The following SORCS2 variants were observed in gnomAD, a reference collection of about 807,000 sequenced individuals.
The protein encoded by SORCS2 is sortilin related VPS10 domain containing receptor 2, also known as VPS10 domain-containing receptor SorCS2.
Under a neutral mutation model 141.6 loss-of-function variants are expected in SORCS2, and 100 were observed. The ratio of observed to expected loss-of-function variants is 0.71; its 90% CI spans 0.60 to 0.83. SORCS2 has a LOEUF of 0.83. Among genes scored for constraint, SORCS2 ranks in the 40% least tolerant of loss-of-function variants. SORCS2 has a pLI of 0.00. For missense variants in SORCS2, 1,646 were observed against 1,560.2 expected, an observed-to-expected ratio of 1.05 and a Z score of -0.93; for synonymous variants, 789 against 676.9, an observed-to-expected ratio of 1.17 and a Z score of -2.57.
intron 1 of SORCS2, among the ~76,000 whole-genome samples, chr4:7,326,072 A>T (rs1362484707): frequency 1.3e-5 from 2 of 152,050 alleles, no homozygotes; most frequent in Non-Finnish European, 2.9e-5. Context: ...GGGTGTCAGG[A>T]TGGAGAGATC....
intron 3 of SORCS2, among the ~76,000 whole-genome samples, chr4:7,597,319 G>A (rs1717338340): frequency 1.3e-5 from 2 of 151,306 alleles, no homozygotes; most frequent in Admixed American, 6.6e-5. Flanking sequence ...TTGCAATGGG[G>A]AAGGGACTGT....
intron 2 of SORCS2, among the ~76,000 whole-genome samples, chr4:7,453,649 T>C: frequency 1.5e-5 from 2 of 133,844 alleles, no homozygotes; most frequent in Non-Finnish European, 1.6e-5. Context: ...AGGCACTGTG[T>C]TGGGGTCAGG....
intron 14 of SORCS2, among the ~76,000 whole-genome samples, chr4:7,708,636 C>T (rs1212057174): frequency 1.3e-5 from 2 of 152,226 alleles, no homozygotes; most frequent in Admixed American, 6.5e-5. Context: ...GTCCTCCCTC[C>T]GTCTTTACCA....
chr4:7,517,215 G>A (rs1003081507), intron 2 of SORCS2, among the ~76,000 whole-genome samples: 21 of 152,178 alleles, frequency 1.4e-4, no homozygotes, highest in Non-Finnish European at 2.8e-4. Context: ...CAGTGTTGCC[G>A]TTGACTTATC....
At chr4:7,526,715 G>C (rs1416570436) in intron 2 of SORCS2, among the ~76,000 whole-genome samples, 1 of 152,180 alleles carries the variant, frequency 6.6e-6, no homozygotes, top group Non-Finnish European at 1.5e-5. Context: ...GATTGTAAGA[G>C]CGAGTCTCTC....
chr4:7,549,348 T>A (rs1490777604), intron 3 of SORCS2, among the ~76,000 whole-genome samples: 1 of 152,026 alleles, frequency 6.6e-6, no homozygotes. Flanking sequence ...TCAACCCACC[T>A]GCTTTCCGGG....
intron 1 of SORCS2, among the ~76,000 whole-genome samples, chr4:7,270,246 G>A (rs905868885): frequency 4.6e-5 from 7 of 152,366 alleles, no homozygotes; most frequent in East Asian, 1.9e-4. Flanking sequence ...GAACGGGGCC[G>A]CAGAGCAGGC....
intron 3 of SORCS2, among the ~76,000 whole-genome samples, chr4:7,637,585 A>C (rs2108861645): frequency 6.6e-6 from 1 of 152,270 alleles, no homozygotes; most frequent in Non-Finnish European, 1.5e-5. Flanking sequence ...GCACTCCATG[A>C]ATGAATGAAT....
At chr4:7,634,411 G>A (rs1245993883) in intron 3 of SORCS2, among the ~76,000 whole-genome samples, 1 of 151,360 alleles carries the variant, frequency 6.6e-6, no homozygotes, top group South Asian at 2.1e-4. Flanking sequence ...GGAGGATGAT[G>A]AGGGTGTGTC....
chr4:7,648,142 G>T lies in SORCS2; in HGVS notation c.814-5992G>T, dbSNP rs1721199211. Among the ~76,000 whole-genome samples the T allele has an allele frequency of 6.6e-6, 1 of 152,078 alleles. No homozygotes were observed. Among genetic ancestry groups the T allele is most frequent in the African/African-American group, 2.4e-5 (1 of 41,418 alleles). ...GGCACCTCTGGGATTGTGGTTGCAG[G>T]ACCTGGTGGATGGTGGGAAGGAGGG... On this transcript the variant is annotated intron_variant, in intron 4 of 26. Coordinates refer to ENST00000507866, the MANE Select transcript of SORCS2 (RefSeq NM_020777.3). The surrounding 1 kb of genome is among the most constrained non-coding windows in gnomAD (Gnocchi z 4.2).
chr4:7,264,600 G>A (rs749113732), intron 1 of SORCS2, among the ~76,000 whole-genome samples: 2 of 152,234 alleles, frequency 1.3e-5, no homozygotes, highest in African/African-American at 2.4e-5. Context: ...TCTCGGGAAG[G>A]TGCTGTGTGG....
intron 4 of SORCS2, among the ~76,000 whole-genome samples, chr4:7,640,948 C>T (rs1031198405): frequency 2.0e-5 from 3 of 152,100 alleles, no homozygotes; most frequent in Admixed American, 6.6e-5. Flanking sequence ...GAACTGTCTA[C>T]ACAGGTCAGT....
intron 6 of SORCS2, among the ~76,000 whole-genome samples, chr4:7,661,772 T>C (rs1722189639): frequency 6.6e-6 from 1 of 152,112 alleles, no homozygotes; most frequent in Admixed American, 6.5e-5. Context: ...AGTGGAAAAG[T>C]CTATTAAGGG....
intron 3 of SORCS2, among the ~76,000 whole-genome samples, chr4:7,537,883 G>C (rs972625423): frequency 6.6e-6 from 1 of 152,128 alleles, no homozygotes; most frequent in Non-Finnish European, 1.5e-5. Context: ...CTACTCAGGA[G>C]GCTGAGGTGG....
At chr4:7,281,924 T>C (rs999909301) in intron 1 of SORCS2, among the ~76,000 whole-genome samples, 1 of 152,208 alleles carries the variant, frequency 6.6e-6, no homozygotes, top group Middle Eastern at 3.2e-3. Flanking sequence ...GTGGCCATCT[T>C]GCACTCCCAG....
chr4:7,714,511 T>G, intron 16 of SORCS2, 138 bp downstream of exon 16: 2 of 932,102 alleles, frequency 2.1e-6, no homozygotes, highest in Non-Finnish European at 3.2e-6. Context: ...CACTGCCACT[T>G]CTGCCTCATT....
intron 1 of SORCS2, among the ~76,000 whole-genome samples, chr4:7,242,745 T>C (rs1249603320): frequency 1.3e-5 from 2 of 152,244 alleles, no homozygotes; most frequent in African/African-American, 2.4e-5. Flanking sequence ...TGGTCCAGAC[T>C]CCGTGGCCAT....
At chr4:7,686,650 C>A (rs1723894039) in intron 10 of SORCS2, among the ~76,000 whole-genome samples, 1 of 152,236 alleles carries the variant, frequency 6.6e-6, no homozygotes, top group African/African-American at 2.4e-5. Flanking sequence ...AAGGCGGGTT[C>A]TGGGGCTCCT....
chr4:7,373,478 A>AT lies in SORCS2; in HGVS notation c.481-22782dup, dbSNP rs71173496. Among the ~76,000 whole-genome samples the AT allele has an allele frequency of 9.0e-3, 330 of 36,816 alleles. 40 individuals carry two copies. The highest frequency in any genetic ancestry group is 0.018 in the Middle Eastern group (1 of 56). 24.2% of individuals were successfully genotyped at this position (36,816 alleles called of 152,430 possible). ...AACTTTTATATATATATATATATAT[A>AT]TTTTTTTTTTTTTTTTTTTTTTTTT... On this transcript the variant is annotated intron_variant, in intron 1 of 26. Transcript: ENST00000507866.
Sources: gnomAD v4.1 joint callset for allele counts (sites outside exome capture counted in the v4.1 genomes callset) on GRCh38, gnomAD v4.1.1 for gene constraint, Gnocchi (gnomAD v3.1) non-coding constraint, MANE v1.5 for transcripts, NCBI Gene and HGNC (gene_info 2026-07-23, HGNC 2026-07-21) for gene names.